The following MMP3 variants were observed in gnomAD, a reference collection of about 807,000 sequenced individuals.
MMP3 encodes stromelysin-1.
MMP3 carries 46 observed loss-of-function variants against 47.3 expected under a neutral mutation model. The ratio of observed to expected loss-of-function variants is 0.97; its 90% CI spans 0.77 to 1.24. MMP3 has a LOEUF of 1.24. Among genes scored for constraint, MMP3 ranks in the 50% most tolerant of loss-of-function variants. The pLI is 0.00. For synonymous variants in MMP3, 216 were observed against 206.5 expected (o/e 1.05, Z -0.39); for missense variants, 558 against 565.5 (o/e 0.99, Z 0.13).
At chr11:102,840,669 A>G (rs1004913378) in intron 4 of MMP3, 76 bp from the exon 5 acceptor site, 4 of 1,482,330 alleles carry the variant, frequency 2.7e-6, no homozygotes, top group Non-Finnish European at 2.7e-6. Flanking sequence ...TGTGCATTGT[A>G]TTGGTTTTTA....
chr11:102,835,986 A>T lies in MMP3; in HGVS notation c.*140T>A, dbSNP rs1280241991. ...CATAAAAATGACCGGCAAGATACAGATTCACGCTCAAGTTCCCTTGAGTGT... is the reference window on the plus strand; with the variant it reads ...CATAAAAATGACCGGCAAGATACAGTTTCACGCTCAAGTTCCCTTGAGTGT... On this transcript the variant is annotated 3_prime_UTR_variant, in exon 10 of 10. Transcript: ENST00000299855. 3 of 643,972 alleles carry T rather than the reference A, an allele frequency of 4.7e-6. No homozygotes were observed. The highest frequency in any genetic ancestry group is 3.6e-5 in the African/African-American group (2 of 55,118). The allele number at this position is 643,972 out of a possible 1,614,324, so 39.9% of individuals were successfully genotyped here.
intron 1 of MMP3, 137 bp downstream of exon 1, chr11:102,843,305 A>G: frequency 1.5e-6 from 1 of 667,234 alleles, no homozygotes; most frequent in Non-Finnish European, 2.6e-6. Context: ...TCCACTTCCA[A>G]CACTCTATAA....
intron 4 of MMP3, among the ~76,000 whole-genome samples, chr11:102,841,644 T>A (rs1301739119): frequency 6.6e-6 from 1 of 151,872 alleles, no homozygotes; most frequent in African/African-American, 2.4e-5. Context: ...TGGGAGTTAG[T>A]CTTTTCCTTC....
In MMP3 at chr11:102,836,372, C is replaced by T; in HGVS notation, c.1334-146G>A. 1 of 698,260 alleles carries T rather than the reference C, an allele frequency of 1.4e-6. No individual in the cohort carries two copies. Among genetic ancestry groups the T allele is most frequent in the South Asian group, 1.6e-5 (1 of 63,042 alleles). 43.3% of individuals were successfully genotyped at this position (698,260 alleles called of 1,614,324 possible). On this transcript the variant is annotated intron_variant, in intron 9 of 9. Coordinates refer to ENST00000299855, the MANE Select transcript of MMP3 (RefSeq NM_002422.5). This position sits in a 1 kb window ranked among gnomAD's most constrained non-coding sequence, Gnocchi z 4.6. ...GTCAGGGACTATGCCAAGCTTGTTA[C>T]ATGAATTTATTTTCATTTATTTCTG...
chr11:102,836,397 G>A lies in MMP3; in HGVS notation c.1334-171C>T, dbSNP rs1213494024. The A allele has an allele frequency of 7.5e-6, 5 of 670,032 alleles. No homozygotes were observed. The Admixed American group carries it at 1.1e-4, about 14-fold the overall frequency. 41.5% of individuals were successfully genotyped at this position (670,032 alleles called of 1,614,324 possible). Reference sequence around the variant, plus strand: ...CATGAATTTATTTTCATTTATTTCTGCAACAACCCTATGAGGTTGTATGTC... The same window carrying A: ...CATGAATTTATTTTCATTTATTTCTACAACAACCCTATGAGGTTGTATGTC... On this transcript the variant is annotated intron_variant, in intron 9 of 9. Transcript: ENST00000299855. This position sits in a 1 kb window ranked among gnomAD's most constrained non-coding sequence, Gnocchi z 4.6.
At position 102,840,576 on chromosome 11, in the gene MMP3, C is replaced by G. The variant is rs782754459; in HGVS notation, c.643G>C (p.Val215Leu). Residue 215 changes from valine (V) to leucine (L), a missense_variant, in exon 5 of 10, where the codon GTT (valine) becomes CTT (leucine). Coordinates refer to ENST00000299855, the MANE Select transcript of MMP3 (RefSeq NM_002422.5). ...GAGTGGCCAATTTCATGAGCAGCAA[C>G]GAGAAATAAATTGGTCCCTATTTAA... ...KDTTGTNLFL[V>L]AAHEIGHSLG... 1.2e-6 allele frequency: 2 copies of G among 1,613,028 alleles called. No individual in the cohort carries two copies. Among genetic ancestry groups the G allele is most frequent in the South Asian group, 1.1e-5 (1 of 90,788 alleles).
chr11:102,842,874 GT>G lies in MMP3; in HGVS notation c.147del (p.Lys49AsnfsTer27). Reference protein sequence around the residue: ...ENYYDLKKDVKQFVRRKDSGP... With the variant: ...ENYYDLKKDVXQFVRRKDSGP... The stretch of plus-strand genomic sequence containing the variant: ...CCACTGTCCTTTCTCCTAACAAACT[GT>G]TTCACATCTTTTTTGAGGTCGTAGT... On this transcript the variant is annotated frameshift_variant, in exon 2 of 10. Transcript: ENST00000299855. LOFTEE classifies it high-confidence loss of function. 1.2e-6 allele frequency: 2 copies of G among 1,612,378 alleles called. No homozygotes were observed. The highest frequency in any genetic ancestry group is 1.7e-6 in the Non-Finnish European group (2 of 1,178,944).
rs144857566 is a variant in MMP3 at position 102,837,087 on chromosome 11, A to C, written c.1333+211T>G. On this transcript the variant is annotated intron_variant, in intron 9 of 9. Transcript: ENST00000299855. The surrounding 1 kb of genome is among the most constrained non-coding windows in gnomAD (Gnocchi z 4.4). ...TTTATATGCATGTATAAGATAAAGT[A>C]GCGAGATTTGTGTAATTATCTTTAT... Among the ~76,000 whole-genome samples, 1 of 152,358 alleles carries C rather than the reference A, an allele frequency of 6.6e-6. No individual in the cohort carries two copies. The highest frequency in any genetic ancestry group is 2.4e-5 in the African/African-American group (1 of 41,584).
At chr11:102,839,322 A>C in intron 6 of MMP3, 79 bp from the exon 7 acceptor site, 2 of 1,529,302 alleles carry the variant, frequency 1.3e-6, no homozygotes, top group East Asian at 4.6e-5. Context: ...GTCTTGCCTC[A>C]CCCAGCTTCC....
At chr11:102,838,143 C>G (rs1239083550) in intron 8 of MMP3, among the ~76,000 whole-genome samples, 1 of 152,116 alleles carries the variant, frequency 6.6e-6, no homozygotes, top group East Asian at 1.9e-4. Flanking sequence ...AGACAGTGAG[C>G]CAAACTAAAA....
chr11:102,842,675 T>C lies in MMP3; in HGVS notation c.347A>G (p.Tyr116Cys), dbSNP rs142984123. The C allele has an allele frequency of 1.0e-4, 169 of 1,613,926 alleles. No homozygotes were observed. In the African/African-American group the frequency reaches 1.9e-3, roughly 18 times the overall value. Residue 116 changes from tyrosine to cysteine, a missense_variant, in exon 2 of 10, where the codon TAC (tyrosine) becomes TGC (cysteine). Coordinates refer to ENST00000299855, the MANE Select transcript of MMP3 (RefSeq NM_002422.5). ...IPKWRKTHLT[Y>C]RIVNYTPDLP... ...GAAAACCCCTCTGAACCATTACCTG[T>C]ATGTAAGGTGGGTTTTCCTCCACTT...
intron 4 of MMP3, 131 bp downstream of exon 4, chr11:102,842,023 A>C: frequency 1.1e-6 from 1 of 881,602 alleles, no homozygotes; most frequent in Non-Finnish European, 1.5e-6. Context: ...TAAAACAAAA[A>C]TATATTCTGC....
At position 102,843,103 on chromosome 11, in the gene MMP3, TA is replaced by T. The variant is rs11422799; in HGVS notation, c.106-188del. On this transcript the variant is annotated intron_variant, in intron 1 of 9. Transcript: ENST00000299855. ...ATATTTAGCTAAAATTACGTTGCAT[TA>T]AAAAAAAAACTGAAGCTGTTCCAAA... is the stretch of plus-strand genomic sequence containing the variant. Among the ~76,000 whole-genome samples, 2,250 of 149,558 alleles carry T rather than the reference TA, an allele frequency of 0.015. 54 individuals carry two copies. The highest frequency in any genetic ancestry group is 0.051 in the African/African-American group (2,101 of 40,874).
chr11:102,843,550 C>T lies in MMP3; in HGVS notation c.-4G>A. ...GTAGGATTGGAAGACTCTTCATTTC[C>T]ACTGGCTTTACTTAGCTCTATGTTG... On this transcript the variant is annotated 5_prime_UTR_variant, in exon 1 of 10. Transcript: ENST00000299855. 1 of 1,610,788 alleles carries T rather than the reference C, an allele frequency of 6.2e-7. No homozygotes were observed. The highest frequency in any genetic ancestry group is 1.1e-5 in the South Asian group (1 of 90,352).
rs374418066 is a variant in MMP3 at position 102,839,376 on chromosome 11, G to A, written c.936-133C>T. On this transcript the variant is annotated intron_variant, in intron 6 of 9. Coordinates refer to ENST00000299855, the MANE Select transcript of MMP3 (RefSeq NM_002422.5). ...AGGCTGGATGACAGATAGAAATCAG[G>A]TATATTGCCATTAGAAAATTTCTTT... 7 of 1,009,582 alleles carry A rather than the reference G, an allele frequency of 6.9e-6. No homozygotes were observed. The African/African-American group carries it at 8.3e-5, about 12-fold the overall frequency. The allele number at this position is 1,009,582 out of a possible 1,614,324, so 62.5% of individuals were successfully genotyped here.
chr11:102,841,582 C>T (rs1858998095), intron 4 of MMP3, among the ~76,000 whole-genome samples: 1 of 151,434 alleles, frequency 6.6e-6, no homozygotes, highest in Admixed American at 6.6e-5. Context: ...CCAAAACATA[C>T]AGTTATGAAC....
Position 102,838,610 on chromosome 11 carries a change from T to A in MMP3, c.1170A>T (p.Ala390=). The part of the protein sequence containing the change: ...GFPPTVRKID[A]AISDKEKNKT... Reference sequence around the variant, plus strand: ...TGTTCTTTTCCTTATCAGAAATGGCTGCATCGATTTTCCTCACGGTTGGAG... The same window carrying A: ...TGTTCTTTTCCTTATCAGAAATGGCAGCATCGATTTTCCTCACGGTTGGAG... Residue 390 remains alanine (A), a synonymous_variant, in exon 8 of 10, where the codon GCA becomes GCT. Coordinates refer to ENST00000299855, the MANE Select transcript of MMP3 (RefSeq NM_002422.5). 6.2e-7 allele frequency: 1 copy of A among 1,614,086 alleles called. No individual in the cohort carries two copies. Among genetic ancestry groups the A allele is most frequent in the Non-Finnish European group, 8.5e-7 (1 of 1,179,990 alleles).
chr11:102,837,536 C>G lies in MMP3; in HGVS notation c.1230-135G>C. 1.5e-6 allele frequency: 1 copy of G among 659,858 alleles called. No individual in the cohort carries two copies. Among genetic ancestry groups the G allele is most frequent in the Non-Finnish European group, 2.6e-6 (1 of 383,540 alleles). The allele number at this position is 659,858 out of a possible 1,614,324, so 40.9% of individuals were successfully genotyped here. A position where few individuals can be genotyped will look rare whatever the true frequency, so the allele number is the denominator to read the frequency against. ...AAATAAATGCCAAGCATATTTGGGA[C>G]TATAGAAATATGTGACTTTAATGGT... is the stretch of plus-strand genomic sequence containing the variant. On this transcript the variant is annotated intron_variant, in intron 8 of 9. Coordinates refer to ENST00000299855, the MANE Select transcript of MMP3 (RefSeq NM_002422.5). The surrounding 1 kb of genome is among the most constrained non-coding windows in gnomAD (Gnocchi z 4.4).
At chr11:102,839,059 T>TA in intron 7 of MMP3, 51 bp downstream of exon 7, 1 of 1,584,220 alleles carries the variant, frequency 6.3e-7, no homozygotes, top group Non-Finnish European at 8.6e-7. Flanking sequence ...TTCAATTTCT[T>TA]ATGAGAGGGT....
Sources: allele counts gnomAD v4.1 joint callset (sites outside exome capture counted in the v4.1 genomes callset), GRCh38; gene constraint gnomAD v4.1.1; non-coding constraint Gnocchi (gnomAD v3.1); transcripts MANE v1.5; gene names NCBI Gene and HGNC (gene_info 2026-07-23, HGNC 2026-07-21).